SYNE2: variants seen among roughly 807,000 people sequenced by gnomAD.
The protein encoded by SYNE2 is nesprin-2.
In SYNE2, 431 loss-of-function variants were observed where a neutral mutation model predicts 856.3. The observed-to-expected ratio is 0.50, with a 90% CI of 0.47 to 0.55. The LOEUF (loss-of-function observed/expected upper bound fraction) is 0.55, where lower values mean the gene tolerates loss of function less well. Ranked by LOEUF, SYNE2 falls within the 20% of genes least tolerant of loss-of-function variation. The pLI is 0.00. For synonymous variants in SYNE2, 2,923 were observed against 2,872.3 expected (o/e 1.02, Z -0.56); for missense variants, 8,129 against 8,023.2 (o/e 1.01, Z -0.50).
chr14:63,893,478 C>T (rs1595480745), intron 1 of SYNE2, among the ~76,000 whole-genome samples: 1 of 152,126 alleles, frequency 6.6e-6, no homozygotes, highest in African/African-American at 2.4e-5. Flanking sequence ...TGAGGTGGAT[C>T]ACTTGAGCCT....
intron 2 of SYNE2, among the ~76,000 whole-genome samples, chr14:63,925,042 C>T (rs2095647043): frequency 6.6e-6 from 1 of 151,990 alleles, no homozygotes; most frequent in South Asian, 2.1e-4. Context: ...TGGCTCATGC[C>T]CATGATCCCA....
chr14:64,131,150 T>C (rs2098016160), intron 76 of SYNE2, among the ~76,000 whole-genome samples: 1 of 152,048 alleles, frequency 6.6e-6, no homozygotes, highest in Admixed American at 6.6e-5. Context: ...AAGGTAAATA[T>C]TGTATGAAGG....
Position 63,967,731 on chromosome 14 carries a change from C to T in SYNE2, c.1013C>T (p.Ser338Leu), listed in dbSNP as rs2096414214. The T allele has an allele frequency of 1.2e-6, 2 of 1,613,984 alleles. No individual in the cohort carries two copies. Among genetic ancestry groups the T allele is most frequent in the East Asian group, 4.5e-5 (2 of 44,880 alleles). ...CAGAGCCTGCTGTCCTTTATGGAGT[C>T]ATTCAATGAAGAAAAAAAGTCCTTT... Reference protein sequence around the residue: ...KYNSLLSFMESFNEEKKSFLD... With the variant: ...KYNSLLSFMELFNEEKKSFLD... The change falls in exon 11 of 116, where the codon TCA (serine) becomes TTA (leucine). Residue 338 changes from serine to leucine, a missense_variant. Ser to Leu is a moderately radical substitution (Grantham distance 145). Around this residue, in one of 3 missense-constraint regions of SYNE2, gnomAD observed 2,422 missense variants for 2,357.4 expected, o/e 1.03. Coordinates refer to ENST00000555002, the MANE Select transcript of SYNE2 (RefSeq NM_182914.3).
intron 2 of SYNE2, among the ~76,000 whole-genome samples, chr14:63,920,044 G>A (rs775361095): frequency 2.1e-5 from 3 of 142,020 alleles, no homozygotes; most frequent in African/African-American, 8.1e-5. Context: ...GGTATAGGTC[G>A]GTTTACTCTG....
At chr14:64,190,848 TTA>T in intron 99 of SYNE2, 2 of 691,428 alleles carry the variant, frequency 2.9e-6, no homozygotes, top group Non-Finnish European at 5.3e-6. Flanking sequence ...GCTGATAATT[TTA>T]TCTCTCCTCC....
intron 1 of SYNE2, among the ~76,000 whole-genome samples, chr14:63,773,377 T>C (rs978603249): frequency 1.9e-4 from 29 of 151,818 alleles, no homozygotes; most frequent in Non-Finnish European, 8.8e-5. Context: ...TTTTTGTATA[T>C]TTTGTAGAGA....
chr14:63,943,767 T>A (rs1167758278), intron 6 of SYNE2, among the ~76,000 whole-genome samples: 1 of 151,800 alleles, frequency 6.6e-6, no homozygotes, highest in Non-Finnish European at 1.5e-5. Context: ...GCCTCCTGGG[T>A]TCAAGAGGTT....
At chr14:64,076,896 ACT>A (rs1380608820) in intron 54 of SYNE2, among the ~76,000 whole-genome samples, 2 of 152,092 alleles carry the variant, frequency 1.3e-5, no homozygotes, top group Admixed American at 6.6e-5. Flanking sequence ...AAACATGTAA[ACT>A]CTTAACGTAT....
chr14:63,862,646 TAAGA>T (rs1178455907), intron 1 of SYNE2, among the ~76,000 whole-genome samples: 2 of 152,214 alleles, frequency 1.3e-5, no homozygotes, highest in Middle Eastern at 3.2e-3. Context: ...TCTAGAATAG[TAAGA>T]AAGACTATAC....
chr14:64,084,291 A>G (rs1042218781), intron 57 of SYNE2: 1 of 152,222 alleles, frequency 6.6e-6, no homozygotes, highest in Non-Finnish European at 1.5e-5. Context: ...ACCTATTTTA[A>G]GTAGCAGTTA....
At chr14:64,122,473 A>G (rs1241374026) in intron 70 of SYNE2, 46 bp downstream of exon 70, 1 of 1,613,130 alleles carries the variant, frequency 6.2e-7, no homozygotes, top group Non-Finnish European at 8.5e-7. Context: ...TATCTTTGAA[A>G]ATCCAACAAG....
chr14:64,135,602 G>A (rs537909958), intron 78 of SYNE2, among the ~76,000 whole-genome samples: 3 of 152,160 alleles, frequency 2.0e-5, no homozygotes, highest in African/African-American at 7.2e-5. Flanking sequence ...GTATTTTAAG[G>A]CTTATTATTT....
rs922290232 is a variant in SYNE2 at position 64,076,803 on chromosome 14, C to A, written c.11022+703C>A. ...TGATAAATAAAATAGATCTTAAACACAAAAAATTCAGATTTCAAACTTAGT... is the reference window on the plus strand; with the variant it reads ...TGATAAATAAAATAGATCTTAAACAAAAAAAATTCAGATTTCAAACTTAGT... On this transcript the variant is annotated intron_variant, in intron 54 of 115. Transcript: ENST00000555002. 1.3e-4 allele frequency among the ~76,000 whole-genome samples: 19 copies of A among 142,588 alleles called. No individual in the cohort carries two copies. In the South Asian group the frequency reaches 3.5e-3, roughly 27 times the overall value. 93.5% of individuals were successfully genotyped at this position (142,588 alleles called of 152,430 possible).
rs542415153 is a variant in SYNE2, at chr14:64,204,531, A to G, written c.18201+1568A>G. On this transcript the variant is annotated intron_variant, in intron 100 of 115. Coordinates refer to ENST00000555002, the MANE Select transcript of SYNE2 (RefSeq NM_182914.3). Reference sequence around the variant, plus strand: ...GTGACAGAACATTAAATTGCAGAGAATTTGTTCCCAAAAGCATACAGTTTG... The same window carrying G: ...GTGACAGAACATTAAATTGCAGAGAGTTTGTTCCCAAAAGCATACAGTTTG... 3 of 152,278 alleles carry G rather than the reference A, an allele frequency of 2.0e-5. No individual in the cohort carries two copies. The South Asian group carries it at 6.2e-4, about 32-fold the overall frequency. 9.4% of individuals were successfully genotyped at this position (152,278 alleles called of 1,614,324 possible).
At position 64,000,597 on chromosome 14, in the gene SYNE2, G is replaced by A; in HGVS notation, c.3516G>A (p.Glu1172=). The A allele has an allele frequency of 6.2e-7, 1 of 1,613,530 alleles. No homozygotes were observed. Residue 1172 remains glutamate (E), a synonymous_variant, in exon 28 of 116, where the codon GAG becomes GAA. Transcript: ENST00000555002. ...ATGAAACTGATGCTCGCTGGAAAGAGTTTGAAATTATTTCATTGAAGTTAG... is the reference window on the plus strand; with the variant it reads ...ATGAAACTGATGCTCGCTGGAAAGAATTTGAAATTATTTCATTGAAGTTAG... ...IKNETDARWK[E]FEIISLKLEN... is the part of the protein sequence containing the mutation.
At chr14:64,206,026 A>G (rs1012791905) in intron 100 of SYNE2, among the ~76,000 whole-genome samples, 2 of 152,088 alleles carry the variant, frequency 1.3e-5, no homozygotes, top group African/African-American at 4.8e-5. Flanking sequence ...GCTTCACGCT[A>G]TATGATTTTC....
In SYNE2 at chr14:64,141,500, G is replaced by A; in HGVS notation, c.15136G>A (p.Asp5046Asn). 1.9e-6 allele frequency: 3 copies of A among 1,613,926 alleles called. No individual in the cohort carries two copies. Among genetic ancestry groups the A allele is most frequent in the Non-Finnish European group, 2.5e-6 (3 of 1,179,930 alleles). The change falls in exon 81 of 116, where the codon GAT becomes AAT. Residue 5046 changes from aspartate (D) to asparagine (N), a missense_variant. By Grantham distance (23) the Asp-to-Asn change is conservative (BLOSUM62 1). This residue lies in a region of SYNE2 where 5,410 missense variants were observed against 5,284.8 expected (regional missense o/e 1.02). Coordinates refer to ENST00000555002, the MANE Select transcript of SYNE2 (RefSeq NM_182914.3). ...KWTMLITQLP[D>N]IQEKLHQLQM... Reference sequence around the variant, plus strand: ...GACAATGCTCATAACTCAACTTCCAGATATTCAAGAAAAACTTCACCAGGT... The same window carrying A: ...GACAATGCTCATAACTCAACTTCCAAATATTCAAGAAAAACTTCACCAGGT...
chr14:63,816,105 C>T (rs988643713), intron 1 of SYNE2, among the ~76,000 whole-genome samples: 4 of 151,894 alleles, frequency 2.6e-5, no homozygotes, highest in South Asian at 2.1e-4. Context: ...GGTGCCACCA[C>T]GCCCAGCTAA....
chr14:64,128,587 C>G (rs1258934601), intron 74 of SYNE2, 34 bp downstream of exon 74: 1 of 1,312,354 alleles, frequency 7.6e-7, no homozygotes, highest in African/African-American at 1.5e-5. Context: ...ACTGACTTAA[C>G]TTTGAACCAC....
Sources: gnomAD v4.1 joint callset for allele counts (sites outside exome capture counted in the v4.1 genomes callset) on GRCh38, gnomAD v4.1.1 for gene constraint, gnomAD v4.1.1 regional missense constraint, MANE v1.5 for transcripts, NCBI Gene and HGNC (gene_info 2026-07-23, HGNC 2026-07-21) for gene names.